The following RPSA2 variants were observed in gnomAD, a reference collection of about 807,000 sequenced individuals.
RPSA2 encodes the protein small ribosomal subunit protein uS2B.
chr19:23,821,501 T>C, the RPSA2 span, among the ~76,000 whole-genome samples: 151,966 of 152,290 alleles, frequency 1, 75,822 homozygotes, highest in Middle Eastern at 1. Flanking sequence ...ACTTCTTCCC[T>C]GCCTCCCCCA....
chr19:23,832,543 G>C, the RPSA2 span: 2 of 802,632 alleles, frequency 2.5e-6, no homozygotes, highest in Non-Finnish European at 3.7e-6. Flanking sequence ...ATACTGAAAA[G>C]AAACCCTACA....
At chr19:23,798,465 A>G in the RPSA2 span, among the ~76,000 whole-genome samples, 1 of 152,182 alleles carries the variant, frequency 6.6e-6, no homozygotes, top group Non-Finnish European at 1.5e-5. Flanking sequence ...GCATTCATAT[A>G]CATTTAATAG....
At chr19:23,838,954 G>T in the RPSA2 span, among the ~76,000 whole-genome samples, 2 of 151,860 alleles carry the variant, frequency 1.3e-5, no homozygotes, top group Non-Finnish European at 2.9e-5. Flanking sequence ...ATTTCATTTA[G>T]TTCTGCTCTG....
At chr19:23,833,345 C>A in the RPSA2 span, 1 of 328,980 alleles carries the variant, frequency 3.0e-6, no homozygotes, top group Non-Finnish European at 4.5e-6. Flanking sequence ...GTCCTCAATT[C>A]TTTACAGACA....
the RPSA2 span, chr19:23,831,918 G>A: frequency 3.3e-6 from 1 of 302,866 alleles, no homozygotes; most frequent in Non-Finnish European, 7.0e-6. Context: ...CATTTTGCAT[G>A]CTTTCACACA....
chr19:23,813,726 G>GTTTTTT, the RPSA2 span, among the ~76,000 whole-genome samples: 6 of 14,328 alleles, frequency 4.2e-4, no homozygotes, highest in Non-Finnish European at 7.0e-4. Flanking sequence ...ATCAACACGG[G>GTTTTTT]TTTCTTTTTT....
At chr19:23,864,097 G>A in the RPSA2 span, among the ~76,000 whole-genome samples, 2 of 152,166 alleles carry the variant, frequency 1.3e-5, no homozygotes, top group African/African-American at 4.8e-5. Context: ...CCAAGGCAGA[G>A]CATCCATTTT....
the RPSA2 span, among the ~76,000 whole-genome samples, chr19:23,811,143 C>T: frequency 1.1e-4 from 17 of 151,934 alleles, no homozygotes; most frequent in South Asian, 4.2e-4. Flanking sequence ...CTCAGCCTCC[C>T]GAGTAGCTGG....
the RPSA2 span, among the ~76,000 whole-genome samples, chr19:23,781,464 G>A: frequency 1.3e-5 from 2 of 151,936 alleles, no homozygotes; most frequent in African/African-American, 2.4e-5. Flanking sequence ...TCAGCCTTCC[G>A]AGTAGCTGGG....
At chr19:23,866,423 T>C in the RPSA2 span, among the ~76,000 whole-genome samples, 2 of 151,882 alleles carry the variant, frequency 1.3e-5, no homozygotes, top group African/African-American at 4.8e-5. Flanking sequence ...AACCCTAAAG[T>C]GGGAGAATGT....
the RPSA2 span, among the ~76,000 whole-genome samples, chr19:23,765,170 G>T: frequency 6.6e-6 from 1 of 152,144 alleles, no homozygotes; most frequent in Non-Finnish European, 1.5e-5. Flanking sequence ...TTTCACAAAG[G>T]AATGCTTCTA....
At chr19:23,849,618 C>A in the RPSA2 span, among the ~76,000 whole-genome samples, 1 of 152,146 alleles carries the variant, frequency 6.6e-6, no homozygotes, top group African/African-American at 2.4e-5. Flanking sequence ...CTTCCCATTT[C>A]AAGGGAAAGA....
the RPSA2 span, among the ~76,000 whole-genome samples, chr19:23,847,439 G>T: frequency 6.6e-6 from 1 of 152,098 alleles, no homozygotes; most frequent in Non-Finnish European, 1.5e-5. Context: ...CTGGGCTGCC[G>T]GGGGTGACAT....
At chr19:23,819,191 C>T in the RPSA2 span, 3 of 152,138 alleles carry the variant, frequency 2.0e-5, no homozygotes, top group Non-Finnish European at 4.4e-5. Flanking sequence ...GATGATGCCT[C>T]GAGCTTTGGC....
the RPSA2 span, among the ~76,000 whole-genome samples, chr19:23,772,889 T>C: frequency 2.0e-5 from 3 of 152,156 alleles, no homozygotes; most frequent in Non-Finnish European, 4.4e-5. Flanking sequence ...CCCCAATACC[T>C]GGGCTTAGGG....
chr19:23,839,784 C>A, the RPSA2 span, among the ~76,000 whole-genome samples: 2 of 152,184 alleles, frequency 1.3e-5, no homozygotes, highest in African/African-American at 4.8e-5. Context: ...CCCAGGGCCT[C>A]CCTGTTGCCT....
the RPSA2 span, among the ~76,000 whole-genome samples, chr19:23,844,972 T>C: frequency 6.7e-6 from 1 of 149,380 alleles, no homozygotes; most frequent in Non-Finnish European, 1.5e-5. Context: ...GTACTCAGTT[T>C]CTTCCTGGCT....
At chr19:23,811,168 G>A in the RPSA2 span, among the ~76,000 whole-genome samples, 148,811 of 152,132 alleles carry the variant, frequency 0.98, 72,873 homozygotes, top group Middle Eastern at 1. Context: ...ACAGGTGCCC[G>A]CCACCACCCA....
At chr19:23,761,903 T>TCCTTCCTTCCTTCCCTTCCTTC in the RPSA2 span, among the ~76,000 whole-genome samples, 2 of 35,594 alleles carry the variant, frequency 5.6e-5, no homozygotes, top group African/African-American at 2.1e-4. Flanking sequence ...GTAACGTAAT[T>TCCTTCCTTCCTTCCCTTCCTTC]CTTTCTTTCT....
Sources: gnomAD v4.1 joint callset for allele counts (sites outside exome capture counted in the v4.1 genomes callset) on GRCh38, gnomAD v4.1.1 for gene constraint, MANE v1.5 for transcripts, NCBI Gene and HGNC (gene_info 2026-07-23, HGNC 2026-07-21) for gene names.